DDX46: variants seen among roughly 807,000 people sequenced by gnomAD.
DDX46 encodes probable ATP-dependent RNA helicase DDX46.
A neutral mutation model predicts 134.9 loss-of-function variants in DDX46; 30 were observed. The ratio of observed to expected loss-of-function variants is 0.22; its 90% CI spans 0.17 to 0.30. The LOEUF (loss-of-function observed/expected upper bound fraction) is 0.30, where lower values mean the gene tolerates loss of function less well. Ranked by LOEUF, DDX46 falls within the 10% of genes least tolerant of loss-of-function variation. DDX46 has a pLI of 1.00. For synonymous variants in DDX46, 415 were observed against 404.1 expected (o/e 1.03, Z -0.32); for missense variants, 622 against 1,248.7 (o/e 0.50, Z 7.56).
intron 18 of DDX46, among the ~76,000 whole-genome samples, chr5:134,813,619 G>GT (rs142704109): frequency 0.031 from 4,756 of 151,672 alleles, 159 homozygotes; most frequent in African/African-American, 0.085. Context: ...TCTTTATGGG[G>GT]TTTTTTTTGT....
At chr5:134,777,298 CTT>C (rs914677975) in intron 5 of DDX46, among the ~76,000 whole-genome samples, 75 of 152,320 alleles carry the variant, frequency 4.9e-4, no homozygotes, top group African/African-American at 1.7e-3. Context: ...TGGAGATCAC[CTT>C]TTTTGGCATA....
Position 134,790,451 on chromosome 5 carries a change from A to T in DDX46, c.1544-19A>T, listed in dbSNP as rs754359972. ...GATTTTTAGTTTTCTTTTTGTCTTT[A>T]TTTTTCTTTTCATCTTAGGTCGGGT... is the stretch of plus-strand genomic sequence containing the variant. On this transcript the variant is annotated intron_variant, in intron 12 of 22. Transcript: ENST00000452510. 1 of 1,592,242 alleles carries T rather than the reference A, an allele frequency of 6.3e-7. No homozygotes were observed. Among genetic ancestry groups the T allele is most frequent in the Non-Finnish European group, 8.5e-7 (1 of 1,173,206 alleles).
chr5:134,778,075 A>G (rs530510320), intron 6 of DDX46, among the ~76,000 whole-genome samples: 18 of 146,920 alleles, frequency 1.2e-4, no homozygotes, highest in Admixed American at 7.0e-4. Flanking sequence ...CTGGAGTGCA[A>G]TGGTGTGATC....
chr5:134,808,951 C>T (rs780465957), intron 16 of DDX46, among the ~76,000 whole-genome samples: 2 of 152,132 alleles, frequency 1.3e-5, no homozygotes, highest in Admixed American at 1.3e-4. Flanking sequence ...TTTATCCTTA[C>T]ATATATAATG....
chr5:134,781,278 A>C (rs1367731103), intron 7 of DDX46, 32 bp downstream of exon 7: 1 of 1,517,210 alleles, frequency 6.6e-7, no homozygotes, highest in Non-Finnish European at 9.0e-7. Context: ...TTTGTTTATG[A>C]TACTATCCTG....
chr5:134,790,900 C>G (rs1357137852), intron 13 of DDX46, among the ~76,000 whole-genome samples: 1 of 152,182 alleles, frequency 6.6e-6, no homozygotes, highest in Non-Finnish European at 1.5e-5. Context: ...TCACTACTCA[C>G]TGCAACCTCT....
chr5:134,812,915 G>C (rs10477766), intron 18 of DDX46, among the ~76,000 whole-genome samples: 2,780 of 152,150 alleles, frequency 0.018, 95 homozygotes, highest in African/African-American at 0.064. Context: ...TGGGATTATA[G>C]GTGTGAGCCA....
At chr5:134,817,329 A>G in intron 19 of DDX46, 167 bp from the exon 20 acceptor site, 1 of 636,154 alleles carries the variant, frequency 1.6e-6, no homozygotes, top group Non-Finnish European at 2.6e-6. Flanking sequence ...CTACATTATA[A>G]ATATATATTG....
intron 21 of DDX46, among the ~76,000 whole-genome samples, chr5:134,821,860 C>G (rs1755462979): frequency 1.3e-5 from 2 of 148,250 alleles, no homozygotes; most frequent in East Asian, 4.0e-4. Flanking sequence ...CGGCCTACTT[C>G]TTTCTTTTGC....
At position 134,821,324 on chromosome 5, in the gene DDX46, G is replaced by A. The variant is rs1755442224; in HGVS notation, c.2977+2320G>A. ...CCCAAAGTGCTGGGATTACAGGCGTGAGCCACTGCGCCCGGCCAATTTTTG... is the reference window on the plus strand; with the variant it reads ...CCCAAAGTGCTGGGATTACAGGCGTAAGCCACTGCGCCCGGCCAATTTTTG... On this transcript the variant is annotated intron_variant, in intron 21 of 22. Coordinates refer to ENST00000452510, the MANE Select transcript of DDX46 (RefSeq NM_001300860.2). 1.3e-5 allele frequency among the ~76,000 whole-genome samples: 2 copies of A among 151,820 alleles called. 1 individual carries two copies. Among genetic ancestry groups the A allele is most frequent in the Admixed American group, 1.3e-4 (2 of 15,250 alleles).
chr5:134,760,163 A>G (rs1472586956), intron 1 of DDX46, among the ~76,000 whole-genome samples: 1 of 152,170 alleles, frequency 6.6e-6, no homozygotes, highest in Non-Finnish European at 1.5e-5. Flanking sequence ...CCCCTGACTT[A>G]GTCTCCATTG....
intron 11 of DDX46, among the ~76,000 whole-genome samples, chr5:134,787,067 C>T (rs1308705897): frequency 2.0e-5 from 3 of 152,116 alleles, no homozygotes; most frequent in South Asian, 2.1e-4. Context: ...GGACCACAGA[C>T]GCATGCTACC....
In DDX46 at chr5:134,811,292, G is replaced by A; in HGVS notation, c.2220G>A (p.Leu740=). The A allele has an allele frequency of 6.2e-7, 1 of 1,614,004 alleles. No homozygotes were observed. Among genetic ancestry groups the A allele is most frequent in the Non-Finnish European group, 8.5e-7 (1 of 1,179,946 alleles). The change falls in exon 17 of 23, where the codon TTG becomes TTA. Residue 740 remains leucine, a synonymous_variant. Coordinates refer to ENST00000452510, the MANE Select transcript of DDX46 (RefSeq NM_001300860.2). The part of the protein sequence containing the change: ...YAGDIIKALE[L]SGTAVPPDLE... Reference sequence around the variant, plus strand: ...GTGACATAATTAAAGCTCTTGAATTGTCAGGGACTGCAGTACCTCCTGATT... The same window carrying A: ...GTGACATAATTAAAGCTCTTGAATTATCAGGGACTGCAGTACCTCCTGATT...
At position 134,794,726 on chromosome 5, in the gene DDX46, AGAC is replaced by A. The variant is rs1754599585; in HGVS notation, c.1627-123_1627-121del. 5.1e-6 allele frequency: 6 copies of A among 1,187,006 alleles called. No homozygotes were observed. The South Asian group carries it at 9.3e-5, about 18-fold the overall frequency. The allele number at this position is 1,187,006 out of a possible 1,614,324, so 73.5% of individuals were successfully genotyped here. ...GGAGTTGTCATTTCTTGAGATTGGGAGACTGTGGGAGTGGCAAAACTGAGACAG... is the reference window on the plus strand; with the variant it reads ...GGAGTTGTCATTTCTTGAGATTGGGATGTGGGAGTGGCAAAACTGAGACAG... On this transcript the variant is annotated intron_variant, in intron 13 of 22. Coordinates refer to ENST00000452510, the MANE Select transcript of DDX46 (RefSeq NM_001300860.2).
intron 1 of DDX46, among the ~76,000 whole-genome samples, chr5:134,759,573 C>G (rs1477959637): frequency 6.6e-6 from 1 of 152,182 alleles, no homozygotes; most frequent in Non-Finnish European, 1.5e-5. Flanking sequence ...CTCATTAGAT[C>G]TCATCACAAC....
intron 16 of DDX46, among the ~76,000 whole-genome samples, chr5:134,810,964 C>A (rs1439571162): frequency 6.6e-6 from 1 of 151,994 alleles, no homozygotes; most frequent in Admixed American, 6.6e-5. Context: ...CAAAACTGCG[C>A]CACTGCACTC....
intron 15 of DDX46, 97 bp from the exon 16 acceptor site, chr5:134,807,651 A>T: frequency 1.9e-6 from 2 of 1,029,106 alleles, no homozygotes; most frequent in Non-Finnish European, 2.8e-6. Context: ...TAGGAGTTGG[A>T]TGTGTCAATT....
chr5:134,795,106 G>A (rs776228003), intron 14 of DDX46, 92 bp downstream of exon 14: 25 of 1,473,998 alleles, frequency 1.7e-5, no homozygotes, highest in Non-Finnish European at 2.3e-5. Context: ...GGTAGGCAAG[G>A]TAATTTCTAA....
At chr5:134,795,088 G>C in intron 14 of DDX46, 74 bp downstream of exon 14, 5 of 1,538,396 alleles carry the variant, frequency 3.3e-6, no homozygotes, top group Non-Finnish European at 4.4e-6. Context: ...TATGATCACT[G>C]TTTGTGAGGT....
Sources: allele counts gnomAD v4.1 joint callset (sites outside exome capture counted in the v4.1 genomes callset), GRCh38; gene constraint gnomAD v4.1.1; transcripts MANE v1.5; gene names NCBI Gene and HGNC (gene_info 2026-07-23, HGNC 2026-07-21).